The following MICAL3 variants were observed in gnomAD, a reference collection of about 807,000 sequenced individuals.
MICAL3 encodes [F-actin]-monooxygenase MICAL3.
Under a neutral mutation model 207.4 loss-of-function variants are expected in MICAL3, and 62 were observed. The ratio of observed to expected loss-of-function variants is 0.30; its 90% CI spans 0.24 to 0.37. The LOEUF (loss-of-function observed/expected upper bound fraction) is 0.37. Among genes scored for constraint, MICAL3 ranks in the 10% least tolerant of loss-of-function variants. MICAL3 has a pLI of 1.00. For synonymous variants in MICAL3, 1,077 were observed against 1,069.3 expected (o/e 1.01, Z -0.14); for missense variants, 2,368 against 2,635.6 (o/e 0.90, Z 2.22).
intron 27 of MICAL3, 25 bp from the exon 28 acceptor site, chr22:17,810,838 T>C (rs2062040291): frequency 1.3e-6 from 2 of 1,595,956 alleles, no homozygotes; most frequent in African/African-American, 2.7e-5. Context: ...AGAAACTTCC[T>C]CAGTCAGGTG....
At chr22:17,978,823 C>T (rs929228006) in intron 1 of MICAL3, among the ~76,000 whole-genome samples, 4 of 150,346 alleles carry the variant, frequency 2.7e-5, no homozygotes, top group South Asian at 4.2e-4. Flanking sequence ...CTGGCCTGAG[C>T]GGTACACTTA....
Position 17,816,772 on chromosome 22 carries a change from C to T in MICAL3, c.5363G>A (p.Arg1788Gln), listed in dbSNP as rs888455219. 85 of 1,550,346 alleles carry T rather than the reference C, an allele frequency of 5.5e-5. No homozygotes were observed. The highest frequency in any genetic ancestry group is 6.8e-5 in the Non-Finnish European group (78 of 1,147,058). The stretch of plus-strand genomic sequence containing the variant: ...GTCCTCGGAGAAGCTCAGCTGGCGC[C>T]GGAGCTGCAGCTCTGTGGAGAGAGG... ...LPVVRAELQLRRQLSFSEDSD... is the reference protein window; with the variant it reads ...LPVVRAELQLQRQLSFSEDSD... Residue 1788 changes from arginine (R) to glutamine (Q), a missense_variant, in exon 27 of 32, where the codon CGG becomes CAG. Coordinates refer to ENST00000441493, the MANE Select transcript of MICAL3 (RefSeq NM_015241.3).
intron 1 of MICAL3, among the ~76,000 whole-genome samples, chr22:17,911,629 T>C (rs1235132898): frequency 1.3e-5 from 2 of 152,046 alleles, no homozygotes; most frequent in Non-Finnish European, 2.9e-5. Context: ...GCCCAGGAGT[T>C]CAAGACCAGC....
chr22:17,856,160 T>A (rs1925864192), intron 19 of MICAL3, among the ~76,000 whole-genome samples: 1 of 152,282 alleles, frequency 6.6e-6, no homozygotes, highest in South Asian at 2.1e-4. Flanking sequence ...CATCGTCTTC[T>A]GTGAGTGAGT....
intron 29 of MICAL3, among the ~76,000 whole-genome samples, chr22:17,807,249 C>T (rs1033329369): frequency 2.6e-5 from 4 of 152,226 alleles, no homozygotes; most frequent in Admixed American, 6.5e-5. Context: ...CCCATAGGCC[C>T]GGACGCAGTC....
At chr22:17,865,537 C>T (rs1184274789) in intron 18 of MICAL3, among the ~76,000 whole-genome samples, 1 of 152,218 alleles carries the variant, frequency 6.6e-6, no homozygotes, top group African/African-American at 2.4e-5. Flanking sequence ...GGGATCCTCC[C>T]AACAGTCTCC....
chr22:17,933,610 A>G, intron 1 of MICAL3, among the ~76,000 whole-genome samples: 1 of 152,218 alleles, frequency 6.6e-6, no homozygotes. Flanking sequence ...AAGGCAAGAA[A>G]TAACTAAGAT....
chr22:17,851,529 G>A (rs552708636), intron 19 of MICAL3, among the ~76,000 whole-genome samples: 32 of 152,326 alleles, frequency 2.1e-4, no homozygotes, highest in African/African-American at 6.5e-4. Flanking sequence ...TTGAATAAAT[G>A]ATCAGGATAA....
At chr22:17,899,636 G>T in intron 6 of MICAL3, 88 bp from the exon 7 acceptor site, 1 of 811,846 alleles carries the variant, frequency 1.2e-6, no homozygotes. Context: ...CAGGCCTACA[G>T]AGACAAGGGC....
chr22:17,875,451 C>A (rs780141693), intron 16 of MICAL3: 3 of 1,547,616 alleles, frequency 1.9e-6, no homozygotes, highest in South Asian at 1.2e-5. Context: ...TGCTACCTGT[C>A]GGAGGGAGTC....
chr22:17,918,864 C>T (rs1035693403), intron 1 of MICAL3, among the ~76,000 whole-genome samples: 2 of 152,152 alleles, frequency 1.3e-5, no homozygotes, highest in African/African-American at 4.8e-5. Flanking sequence ...GACTCTTCTA[C>T]GCTCCAGAAA....
chr22:17,847,147 T>C (rs1924715174), intron 19 of MICAL3, among the ~76,000 whole-genome samples: 1 of 152,118 alleles, frequency 6.6e-6, no homozygotes, highest in Non-Finnish European at 1.5e-5. Context: ...CTCCCTGCAG[T>C]GGTGGCAAAG....
intron 29 of MICAL3, chr22:17,791,559 G>A: frequency 1.8e-6 from 1 of 542,874 alleles, no homozygotes; most frequent in Non-Finnish European, 3.3e-6. Flanking sequence ...CCCCGGGGCT[G>A]GTTTCTACCC....
At chr22:17,889,515 T>C (rs1602154998) in intron 12 of MICAL3, among the ~76,000 whole-genome samples, 1 of 152,188 alleles carries the variant, frequency 6.6e-6, no homozygotes, top group Non-Finnish European at 1.5e-5. Flanking sequence ...ACAAATTTAC[T>C]ACTAAAATGT....
intron 1 of MICAL3, among the ~76,000 whole-genome samples, chr22:17,950,331 GTTTTTGTTTTTTT>G (rs1934275128): frequency 1.0e-5 from 1 of 97,510 alleles, no homozygotes; most frequent in African/African-American, 4.2e-5. Flanking sequence ...CTGGCGTTTT[GTTTTTGTTTTTTT>G]TTTTTTTTTT....
intron 15 of MICAL3, among the ~76,000 whole-genome samples, chr22:17,886,461 G>A (rs1929877754): frequency 6.6e-6 from 1 of 152,176 alleles, no homozygotes; most frequent in African/African-American, 2.4e-5. Flanking sequence ...GAGGCCAGGA[G>A]TTTGAGACCA....
chr22:17,880,056 T>C (rs555268849), intron 16 of MICAL3, among the ~76,000 whole-genome samples: 2 of 152,316 alleles, frequency 1.3e-5, no homozygotes, highest in South Asian at 4.1e-4. Context: ...TCTGGCTGGC[T>C]AAGGGTTCAC....
chr22:17,866,293 G>A (rs1569102859), intron 17 of MICAL3, among the ~76,000 whole-genome samples: 1 of 152,234 alleles, frequency 6.6e-6, no homozygotes, highest in Admixed American at 6.5e-5. Context: ...AAAGATGTGA[G>A]GCCTGTGTGG....
intron 7 of MICAL3, among the ~76,000 whole-genome samples, chr22:17,897,708 A>C (rs1364445267): frequency 6.6e-6 from 1 of 152,208 alleles, no homozygotes; most frequent in Non-Finnish European, 1.5e-5. Flanking sequence ...CACCCAAAGG[A>C]AGAACTCAAA....
Sources: allele counts gnomAD v4.1 joint callset (sites outside exome capture counted in the v4.1 genomes callset), GRCh38; gene constraint gnomAD v4.1.1; transcripts MANE v1.5; gene names NCBI Gene and HGNC (gene_info 2026-07-23, HGNC 2026-07-21).